CADPS2: variants seen among roughly 807,000 people sequenced by gnomAD.
CADPS2 encodes the protein calcium-dependent secretion activator 2.
Under a neutral mutation model 172.5 loss-of-function variants are expected in CADPS2, and 93 were observed. The ratio of observed to expected loss-of-function variants is 0.54; its 90% CI spans 0.46 to 0.64. CADPS2 has a LOEUF of 0.64. Ranked by LOEUF, CADPS2 falls within the 30% of genes least tolerant of loss-of-function variation. The probability of loss-of-function intolerance (pLI) is 0.00; values close to 1 mark genes in which losing one functional copy is unlikely to be tolerated. For synonymous variants in CADPS2, 546 were observed against 555.2 expected (o/e 0.98, Z 0.23); for missense variants, 1,420 against 1,565.9 (o/e 0.91, Z 1.57).
intron 8 of CADPS2, among the ~76,000 whole-genome samples, chr7:122,524,278 G>A (rs2061033803): frequency 6.6e-6 from 1 of 152,066 alleles, no homozygotes; most frequent in Non-Finnish European, 1.5e-5. Flanking sequence ...TGTAATACAG[G>A]TAATCCTGAA....
intron 3 of CADPS2, among the ~76,000 whole-genome samples, chr7:122,635,053 T>A (rs2076930212): frequency 6.6e-6 from 1 of 152,182 alleles, no homozygotes; most frequent in East Asian, 1.9e-4. Flanking sequence ...TTATTGAGAC[T>A]TGTGTTATCA....
rs1433983208 is a variant in CADPS2 at position 122,614,322 on chromosome 7, G to A, written c.1223+859C>T. On this transcript the variant is annotated intron_variant, in intron 6 of 29. Coordinates refer to ENST00000449022, the MANE Select transcript of CADPS2 (RefSeq NM_017954.11). ...TCTTTTCTGTTACACATAACCCTCTGTATCTCCCTATCCTGCCTGCTCTAA... is the reference window on the plus strand; with the variant it reads ...TCTTTTCTGTTACACATAACCCTCTATATCTCCCTATCCTGCCTGCTCTAA... Among the ~76,000 whole-genome samples the A allele has an allele frequency of 2.0e-5, 3 of 152,062 alleles. No homozygotes were observed. The Middle Eastern group carries it at 0.01, about 517-fold the overall frequency.
At chr7:122,414,762 A>T (rs1290721818) in intron 18 of CADPS2, among the ~76,000 whole-genome samples, 1 of 152,200 alleles carries the variant, frequency 6.6e-6, no homozygotes, top group Non-Finnish European at 1.5e-5. Flanking sequence ...TACCTATAGT[A>T]AGGATTCATG....
In CADPS2 at chr7:122,698,119, T is replaced by C. The variant is rs773840565; in HGVS notation, c.454-34550A>G. The C allele has an allele frequency of 5.6e-6, 9 of 1,613,834 alleles. No individual in the cohort carries two copies. The Middle Eastern group carries it at 1.3e-3, about 236-fold the overall frequency. On this transcript the variant is annotated intron_variant, in intron 2 of 29. Coordinates refer to ENST00000449022, the MANE Select transcript of CADPS2 (RefSeq NM_017954.11). ...TTTACAAGTCAGAATACGAACTATGTCATTAGGCTTATAGCGTTCAAAGCA... is the reference window on the plus strand; with the variant it reads ...TTTACAAGTCAGAATACGAACTATGCCATTAGGCTTATAGCGTTCAAAGCA...
At chr7:122,705,709 T>C (rs1368576393) in intron 2 of CADPS2, among the ~76,000 whole-genome samples, 1 of 21,940 alleles carries the variant, frequency 4.6e-5, no homozygotes, top group Non-Finnish European at 9.8e-5. Context: ...TAATATATCA[T>C]ATATTATATA....
At chr7:122,822,814 C>T (rs891457921) in intron 1 of CADPS2, among the ~76,000 whole-genome samples, 7 of 151,968 alleles carry the variant, frequency 4.6e-5, no homozygotes, top group South Asian at 2.1e-4. Context: ...CACTCCTGCC[C>T]GCCAGAGAAC....
intron 20 of CADPS2, among the ~76,000 whole-genome samples, chr7:122,396,387 T>C (rs928964335): frequency 6.6e-6 from 1 of 152,164 alleles, no homozygotes. Flanking sequence ...ATTAATGCAA[T>C]AATAACCTAA....
intron 14 of CADPS2, among the ~76,000 whole-genome samples, chr7:122,458,966 C>T (rs929361167): frequency 1.3e-4 from 19 of 151,934 alleles, no homozygotes; most frequent in Admixed American, 1.3e-4. Flanking sequence ...TAAAAAACAA[C>T]ATATATTGTA....
chr7:122,479,986 C>G (rs1258686452), intron 12 of CADPS2: 1 of 368,042 alleles, frequency 2.7e-6, no homozygotes, highest in East Asian at 8.0e-5. Context: ...TATTATGTTA[C>G]ATATATAACT....
chr7:122,514,177 G>C lies in CADPS2; in HGVS notation c.1476-862C>G, dbSNP rs144618340. ...AATTATAAACACACTCCCTACAAAAGTGGAAAATATTGCTAGAAGTTTAAA... is the reference window on the plus strand; with the variant it reads ...AATTATAAACACACTCCCTACAAAACTGGAAAATATTGCTAGAAGTTTAAA... On this transcript the variant is annotated intron_variant, in intron 8 of 29. Transcript: ENST00000449022. 4.1e-3 allele frequency among the ~76,000 whole-genome samples: 624 copies of C among 152,158 alleles called. 7 individuals are homozygous for C. Among genetic ancestry groups the C allele is most frequent in the African/African-American group, 0.014 (593 of 41,530 alleles).
At chr7:122,617,366 A>G (rs917232516) in intron 5 of CADPS2, among the ~76,000 whole-genome samples, 1 of 152,210 alleles carries the variant, frequency 6.6e-6, no homozygotes, top group Non-Finnish European at 1.5e-5. Flanking sequence ...AATTAGTGAT[A>G]AAGACAGCCA....
chr7:122,581,466 T>C (rs1200796740), intron 6 of CADPS2, among the ~76,000 whole-genome samples, 176 bp from the exon 7 acceptor site: 3 of 152,194 alleles, frequency 2.0e-5, no homozygotes, highest in African/African-American at 7.2e-5. Context: ...CAATAAGCTT[T>C]ACAGCTTGTA....
chr7:122,450,176 C>A (rs2052870334), intron 15 of CADPS2, among the ~76,000 whole-genome samples: 1 of 152,088 alleles, frequency 6.6e-6, no homozygotes, highest in Non-Finnish European at 1.5e-5. Context: ...TTTTTGTGAA[C>A]ATATTCACTA....
chr7:122,724,305 C>A (rs1207183261), intron 2 of CADPS2, among the ~76,000 whole-genome samples: 1 of 151,936 alleles, frequency 6.6e-6, no homozygotes, highest in Non-Finnish European at 1.5e-5. Context: ...TAGGGCAATA[C>A]CTGACTAGCA....
intron 17 of CADPS2, among the ~76,000 whole-genome samples, chr7:122,416,386 A>G (rs2047925435): frequency 6.6e-6 from 1 of 152,156 alleles, no homozygotes. Context: ...CATTTAATAT[A>G]TAAGAACAGG....
rs1484459759 is a variant in CADPS2 at position 122,478,152 on chromosome 7, G to C, written c.1861+2700C>G. 3.3e-5 allele frequency among the ~76,000 whole-genome samples: 5 copies of C among 152,066 alleles called. No homozygotes were observed. The East Asian group carries it at 7.7e-4, about 23-fold the overall frequency. On this transcript the variant is annotated intron_variant, in intron 12 of 29. Coordinates refer to ENST00000449022, the MANE Select transcript of CADPS2 (RefSeq NM_017954.11). The stretch of plus-strand genomic sequence containing the variant: ...TTTTTAGTCAATTACCAAATCCAAG[G>C]CTTTAAAATTGGGTTATACTGGATT...
At chr7:122,776,929 T>C (rs371860461) in intron 1 of CADPS2, among the ~76,000 whole-genome samples, 9 of 152,010 alleles carry the variant, frequency 5.9e-5, no homozygotes, top group East Asian at 3.9e-4. Context: ...GGCAGGACGA[T>C]TGCTTGAGCC....
chr7:122,659,771 A>G (rs2080306006), intron 3 of CADPS2, among the ~76,000 whole-genome samples: 1 of 152,124 alleles, frequency 6.6e-6, no homozygotes, highest in Non-Finnish European at 1.5e-5. Flanking sequence ...GGAAAATAAC[A>G]CCTTACCTCT....
At chr7:122,781,834 A>G (rs1049544645) in intron 1 of CADPS2, among the ~76,000 whole-genome samples, 4 of 152,176 alleles carry the variant, frequency 2.6e-5, no homozygotes, top group Non-Finnish European at 4.4e-5. Context: ...TCTTCCACAT[A>G]ACCTTTATAA....
Sources: allele counts gnomAD v4.1 joint callset (sites outside exome capture counted in the v4.1 genomes callset), GRCh38; gene constraint gnomAD v4.1.1; transcripts MANE v1.5; gene names NCBI Gene and HGNC (gene_info 2026-07-23, HGNC 2026-07-21).